RBFOX1: variants seen among roughly 807,000 people sequenced by gnomAD.
RBFOX1 encodes the protein RNA binding protein fox-1 homolog 1.
A neutral mutation model predicts 57.7 loss-of-function variants in RBFOX1; 8 were observed. The observed-to-expected ratio is 0.14, with a 90% CI of 0.08 to 0.25. The LOEUF is 0.25. Among genes scored for constraint, RBFOX1 ranks in the 10% least tolerant of loss-of-function variants. RBFOX1 has a pLI of 1.00. For synonymous variants in RBFOX1, 326 were observed against 222.4 expected (o/e 1.47, Z -4.15); for missense variants, 611 against 548.5 (o/e 1.11, Z -1.14).
chr16:5,987,653 T>C (rs1488530978), intron 4 of RBFOX1, among the ~76,000 whole-genome samples: 2 of 152,112 alleles, frequency 1.3e-5, no homozygotes, highest in East Asian at 3.9e-4. Context: ...TAGGGCACTA[T>C]CATCATTCCT....
chr16:6,291,290 C>T (rs984902099), intron 1 of RBFOX1, among the ~76,000 whole-genome samples: 3 of 152,146 alleles, frequency 2.0e-5, no homozygotes, highest in Non-Finnish European at 2.9e-5. Flanking sequence ...CATTTTACTC[C>T]GCTGCTATTC....
intron 2 of RBFOX1, among the ~76,000 whole-genome samples, chr16:5,470,742 G>T (rs1297444420): frequency 6.6e-6 from 1 of 152,108 alleles, no homozygotes; most frequent in Non-Finnish European, 1.5e-5. Context: ...GCTGGGATTT[G>T]AACCCTGGTC....
chr16:6,833,396 A>C (rs989546894), intron 3 of RBFOX1, among the ~76,000 whole-genome samples: 16 of 152,072 alleles, frequency 1.1e-4, no homozygotes, highest in African/African-American at 3.1e-4. Flanking sequence ...CAAACTCCTG[A>C]CCTCAGGTGA....
chr16:7,078,909 C>T (rs145434070), intron 4 of RBFOX1, among the ~76,000 whole-genome samples: 1,156 of 94,844 alleles, frequency 0.012, 29 homozygotes, highest in African/African-American at 0.041. Context: ...GGGGTTTTAC[C>T]ATGTTGTCCA....
chr16:6,937,277 C>A (rs550859727), intron 3 of RBFOX1, among the ~76,000 whole-genome samples: 1 of 152,102 alleles, frequency 6.6e-6, no homozygotes, highest in Non-Finnish European at 1.5e-5. Flanking sequence ...AACTCACGAC[C>A]AACACTGTTT....
At chr16:6,539,109 TTGA>T (rs2096775549) in intron 2 of RBFOX1, among the ~76,000 whole-genome samples, 1 of 145,622 alleles carries the variant, frequency 6.9e-6, no homozygotes, top group African/African-American at 2.5e-5. Flanking sequence ...GAAAGAACAG[TTGA>T]TGATATTTGG....
intron 3 of RBFOX1, among the ~76,000 whole-genome samples, chr16:5,669,801 G>C (rs2049962170): frequency 1.3e-5 from 2 of 152,190 alleles, no homozygotes; most frequent in Admixed American, 1.3e-4. Context: ...AGTCATAGAA[G>C]TGGAAGAATT....
At chr16:6,715,169 C>G (rs1462795808) in intron 3 of RBFOX1, among the ~76,000 whole-genome samples, 1 of 152,068 alleles carries the variant, frequency 6.6e-6, no homozygotes, top group African/African-American at 2.4e-5. Context: ...TTTAAGAAAC[C>G]CTCCTCACTC....
intron 11 of RBFOX1, among the ~76,000 whole-genome samples, chr16:7,634,845 A>G (rs17144417): frequency 0.037 from 5,650 of 152,294 alleles, 141 homozygotes; most frequent in South Asian, 0.12. Flanking sequence ...CCTGCTTTCT[A>G]TGAAACTTAA....
intron 4 of RBFOX1, among the ~76,000 whole-genome samples, chr16:7,332,437 A>T (rs1240935951): frequency 6.6e-6 from 1 of 152,226 alleles, no homozygotes; most frequent in Non-Finnish European, 1.5e-5. Context: ...GGAAAACTAG[A>T]CTGAATATCT....
chr16:5,717,989 A>G (rs1441719602), intron 3 of RBFOX1, among the ~76,000 whole-genome samples: 1 of 152,186 alleles, frequency 6.6e-6, no homozygotes, highest in South Asian at 2.1e-4. Context: ...TTATGCATCT[A>G]CACTTTCTCA....
chr16:7,700,083 T>C (rs1253456292), intron 14 of RBFOX1, among the ~76,000 whole-genome samples: 1 of 152,142 alleles, frequency 6.6e-6, no homozygotes, highest in African/African-American at 2.4e-5. Context: ...TTGTTTTGTC[T>C]TAATCTTTGA....
At chr16:7,145,330 G>C (rs2074726084) in intron 4 of RBFOX1, among the ~76,000 whole-genome samples, 4 of 152,068 alleles carry the variant, frequency 2.6e-5, no homozygotes, top group Admixed American at 2.6e-4. Context: ...TTAGCCTCCC[G>C]ATTAGCTGGG....
chr16:5,540,704 C>G (rs1481800285), intron 2 of RBFOX1, among the ~76,000 whole-genome samples: 3 of 152,142 alleles, frequency 2.0e-5, no homozygotes, highest in Non-Finnish European at 4.4e-5. Context: ...ATCACGGACT[C>G]TGACTTGTTA....
At chr16:6,931,516 G>C (rs537466777) in intron 3 of RBFOX1, among the ~76,000 whole-genome samples, 2 of 152,088 alleles carry the variant, frequency 1.3e-5, no homozygotes, top group Non-Finnish European at 2.9e-5. Context: ...CTCATTTTAA[G>C]GCTGGGGACA....
chr16:6,133,944 T>G (rs2096647755), intron 1 of RBFOX1, among the ~76,000 whole-genome samples: 1 of 149,532 alleles, frequency 6.7e-6, no homozygotes. Flanking sequence ...TTTCTTTTCT[T>G]TTTTTTTTTG....
intron 1 of RBFOX1, among the ~76,000 whole-genome samples, chr16:6,111,774 G>T (rs2096449337): frequency 6.6e-6 from 1 of 152,120 alleles, no homozygotes. Context: ...TATAGGTAGT[G>T]GGGTCAGAAA....
intron 4 of RBFOX1, among the ~76,000 whole-genome samples, chr16:7,099,248 C>A (rs2062231902): frequency 2.0e-5 from 3 of 152,094 alleles, no homozygotes; most frequent in Admixed American, 2.0e-4. Flanking sequence ...AGGGTAGATA[C>A]AGGGCAGGAG....
intron 3 of RBFOX1, among the ~76,000 whole-genome samples, chr16:5,706,305 C>G (rs1037457316): frequency 6.6e-6 from 1 of 152,148 alleles, no homozygotes; most frequent in African/African-American, 2.4e-5. Flanking sequence ...AAACATGTTT[C>G]CTGATGTAGC....
Sources: allele counts gnomAD v4.1 joint callset (sites outside exome capture counted in the v4.1 genomes callset), GRCh38; gene constraint gnomAD v4.1.1; transcripts MANE v1.5; gene names NCBI Gene and HGNC (gene_info 2026-07-23, HGNC 2026-07-21).